The following ADAMTSL1 variants were observed in gnomAD, a reference collection of about 807,000 sequenced individuals.
The protein encoded by ADAMTSL1 is ADAMTS like 1.
Under a neutral mutation model 201.8 loss-of-function variants are expected in ADAMTSL1, and 126 were observed. That is an observed-to-expected ratio of 0.62 (90% CI 0.54 to 0.72). The LOEUF is 0.72. Among genes scored for constraint, ADAMTSL1 ranks in the 30% least tolerant of loss-of-function variants. The pLI is 0.00. For missense variants in ADAMTSL1, 2,679 were observed against 2,277.8 expected (o/e 1.18, Z -3.59); for synonymous variants, 1,121 against 903.4 (o/e 1.24, Z -4.32).
chr9:18,722,155 C>T (rs1833431425), intron 15 of ADAMTSL1, among the ~76,000 whole-genome samples: 1 of 151,828 alleles, frequency 6.6e-6, no homozygotes, highest in African/African-American at 2.4e-5. Flanking sequence ...GTGTGTCATT[C>T]CACATGCGTA....
intron 13 of ADAMTSL1, among the ~76,000 whole-genome samples, chr9:18,699,266 A>G (rs1831774467): frequency 6.6e-6 from 1 of 151,104 alleles, no homozygotes; most frequent in African/African-American, 2.4e-5. Flanking sequence ...TCTGTTTGTT[A>G]CTTGGAAAAT....
chr9:18,894,767 C>A (rs888999498), intron 26 of ADAMTSL1, among the ~76,000 whole-genome samples: 1 of 152,050 alleles, frequency 6.6e-6, no homozygotes, highest in African/African-American at 2.4e-5. Flanking sequence ...ATTTGAAAGT[C>A]ATTAGTATAC....
At chr9:18,031,450 G>T (rs762093097) in intron 1 of ADAMTSL1, among the ~76,000 whole-genome samples, 20 of 152,102 alleles carry the variant, frequency 1.3e-4, no homozygotes, top group Non-Finnish European at 2.1e-4. Context: ...ATTGCTTCCT[G>T]CATTGGGTTT....
chr9:18,589,351 G>T (rs1228343025), intron 4 of ADAMTSL1, among the ~76,000 whole-genome samples: 1 of 151,922 alleles, frequency 6.6e-6, no homozygotes, highest in Admixed American at 6.6e-5. Flanking sequence ...AAATGGGATT[G>T]CTTTCTTGAT....
At chr9:18,852,512 A>G (rs968815528) in intron 23 of ADAMTSL1, among the ~76,000 whole-genome samples, 8 of 152,084 alleles carry the variant, frequency 5.3e-5, no homozygotes, top group African/African-American at 1.9e-4. Context: ...GCCCCAGTAA[A>G]CCTATCTTCT....
intron 2 of ADAMTSL1, among the ~76,000 whole-genome samples, chr9:18,177,041 A>T (rs532637514): frequency 6.6e-6 from 1 of 152,306 alleles, no homozygotes; most frequent in African/African-American, 2.4e-5. Context: ...TGCACCCTCA[A>T]TTGCCTTTTA....
At chr9:18,264,849 G>A (rs575630781) in intron 2 of ADAMTSL1, among the ~76,000 whole-genome samples, 17 of 152,162 alleles carry the variant, frequency 1.1e-4, no homozygotes, top group Non-Finnish European at 1.0e-4. Flanking sequence ...ATAGACTTAA[G>A]TTCTGGCTTC....
intron 1 of ADAMTSL1, among the ~76,000 whole-genome samples, chr9:18,100,460 T>C (rs1824465257): frequency 6.6e-6 from 1 of 152,198 alleles, no homozygotes; most frequent in Admixed American, 6.5e-5. Flanking sequence ...TGGGCCACCA[T>C]GCCTGGCTAA....
intron 15 of ADAMTSL1, among the ~76,000 whole-genome samples, chr9:18,724,607 C>T: frequency 6.6e-6 from 1 of 152,290 alleles, no homozygotes; most frequent in East Asian, 1.9e-4. Flanking sequence ...TTTTAGAGTT[C>T]TTGCTATCAG....
chr9:18,895,738 G>GTGAT (rs1829590993), intron 26 of ADAMTSL1, among the ~76,000 whole-genome samples: 1 of 152,188 alleles, frequency 6.6e-6, no homozygotes, highest in Admixed American at 6.5e-5. Context: ...CAGCTAATCA[G>GTGAT]TGATGGATTG....
rs77490734 is a variant in ADAMTSL1 at position 18,565,898 on chromosome 9, T to C, written c.238-8132T>C. Among the ~76,000 whole-genome samples the C allele has an allele frequency of 6.6e-3, 999 of 152,316 alleles. 7 individuals are homozygous for C. The highest frequency in any genetic ancestry group is 0.023 in the African/African-American group (960 of 41,572). ...AATTTGGGGGTTAAAGCTTAGTACT[T>C]TAATATGAGTACTTTATAGTGCGTG... On this transcript the variant is annotated intron_variant, in intron 3 of 28. Coordinates refer to ENST00000380548, the MANE Select transcript of ADAMTSL1 (RefSeq NM_001040272.6).
At chr9:18,700,986 A>T (rs956351280) in intron 13 of ADAMTSL1, among the ~76,000 whole-genome samples, 2 of 152,226 alleles carry the variant, frequency 1.3e-5, no homozygotes, top group African/African-American at 2.4e-5. Flanking sequence ...TGCCCAAATG[A>T]ATTTACAAAT....
Position 17,910,371 on chromosome 9 carries a change from AT to A in ADAMTSL1, c.87+3459del, listed in dbSNP as rs112704514. Among the ~76,000 whole-genome samples, 18 of 65,546 alleles carry A rather than the reference AT, an allele frequency of 2.7e-4. 3 individuals carry two copies. The highest frequency in any genetic ancestry group is 3.3e-4 in the Non-Finnish European group (7 of 21,298). 43.0% of individuals were successfully genotyped at this position (65,546 alleles called of 152,430 possible). A position where few individuals can be genotyped will look rare whatever the true frequency, so the allele number is the denominator to read the frequency against. On this transcript the variant is annotated intron_variant, in intron 1 of 29. Coordinates refer to the ADAMTSL1 transcript ENST00000680146. ...GCTTGTAGTTTCTTAGACTTGCAGT[AT>A]TTTTTTTTTATGCTTTCCCACTGCC...
rs1263045673 is a variant in ADAMTSL1 at position 18,289,167 on chromosome 9, AT to A, written c.207+125187del. Among the ~76,000 whole-genome samples the A allele has an allele frequency of 3.4e-4, 43 of 126,588 alleles. 2 individuals carry two copies. Among genetic ancestry groups the A allele is most frequent in the East Asian group, 1.9e-3 (9 of 4,690 alleles). The allele number at this position is 126,588 out of a possible 152,430, so 83.0% of individuals were successfully genotyped here. On this transcript the variant is annotated intron_variant, in intron 2 of 29. Coordinates refer to the ADAMTSL1 transcript ENST00000680146. ...TATCTATCTATCTATCTATCTATCT[AT>A]CTATCTACCTACCTATCTATCTATA...
At position 18,636,011 on chromosome 9, in the gene ADAMTSL1, C is replaced by G. The variant is rs551639398; in HGVS notation, c.670C>G (p.His224Asp). ...HIRLVLKGPD[H>D]LYLETKTLQG... ...TCGCCTTGTCTTAAAAGGTCCTGAT[C>G]ACTTATGTAAGTAACTCCATTGTTT... The change falls in exon 6 of 29, where the codon CAC (histidine) becomes GAC (aspartate). Residue 224 changes from histidine to aspartate, a missense_variant. Transcript: ENST00000380548. The G allele has an allele frequency of 5.0e-5, 80 of 1,592,248 alleles. No homozygotes were observed. The East Asian group carries it at 1.7e-3, about 33-fold the overall frequency.
intron 2 of ADAMTSL1, among the ~76,000 whole-genome samples, chr9:18,228,074 C>A (rs1017940893): frequency 6.6e-6 from 1 of 152,204 alleles, no homozygotes; most frequent in Non-Finnish European, 1.5e-5. Flanking sequence ...CCAATAGCCA[C>A]GTTCCACCTA....
chr9:18,095,159 T>C (rs1375381458), intron 1 of ADAMTSL1, among the ~76,000 whole-genome samples: 1 of 152,134 alleles, frequency 6.6e-6, no homozygotes. Context: ...TCATAATCTA[T>C]CTTTTAACAA....
chr9:18,084,160 T>C (rs1193575601), intron 1 of ADAMTSL1, among the ~76,000 whole-genome samples: 2 of 152,192 alleles, frequency 1.3e-5, no homozygotes, highest in African/African-American at 2.4e-5. Flanking sequence ...AAGACTCTAA[T>C]CTTGGACAAC....
intron 3 of ADAMTSL1, among the ~76,000 whole-genome samples, chr9:18,570,225 G>GA (rs543906221): frequency 1.0e-3 from 110 of 108,140 alleles, no homozygotes; most frequent in African/African-American, 1.7e-3. Flanking sequence ...GCCACAAAAG[G>GA]AAAAAAAAAA....
Sources: allele counts gnomAD v4.1 joint callset (sites outside exome capture counted in the v4.1 genomes callset), GRCh38; gene constraint gnomAD v4.1.1; transcripts MANE v1.5; gene names NCBI Gene and HGNC (gene_info 2026-07-23, HGNC 2026-07-21).